Variants in GALM observed in about 807,000 individuals in gnomAD.
GALM encodes the protein aldose 1-epimerase.
In GALM, 43 loss-of-function variants were observed where a neutral mutation model predicts 37.4. The ratio of observed to expected loss-of-function variants is 1.15; its 90% CI spans 0.90 to 1.48. GALM has a LOEUF of 1.48. GALM is among the 40% of genes most tolerant of loss of function. The pLI, the probability that GALM is intolerant of heterozygous loss-of-function variation, is 0.00. For synonymous variants in GALM, 199 were observed against 170.6 expected (o/e 1.17, Z -1.30); for missense variants, 456 against 419.1 (o/e 1.09, Z -0.77).
intron 1 of GALM, chr2:38,671,485 G>A (rs922678702): frequency 2.6e-5 from 4 of 152,318 alleles, no homozygotes; most frequent in African/African-American, 9.6e-5. Flanking sequence ...TAAATCATCA[G>A]CTCTCGTGAG....
At chr2:38,669,453 GTGAGCTCGGCTTT>G (rs1437986942) in intron 1 of GALM, 2 of 152,248 alleles carry the variant, frequency 1.3e-5, no homozygotes, top group Non-Finnish European at 2.9e-5. Flanking sequence ...TGCTCACGCG[GTGAGCTCGGCTTT>G]TGAGACGCAA....
intron 4 of GALM, among the ~76,000 whole-genome samples, chr2:38,693,609 C>CTGAT (rs1298567421): frequency 6.6e-6 from 1 of 151,982 alleles, no homozygotes; most frequent in African/African-American, 2.4e-5. Flanking sequence ...AAAGAAGATA[C>CTGAT]TGATTATCTG....
rs1237091687 is a variant in GALM, at chr2:38,675,961, C to T, written c.240C>T (p.Ala80=). 2 of 1,613,978 alleles carry T rather than the reference C, an allele frequency of 1.2e-6. No homozygotes were observed. The highest frequency in any genetic ancestry group is 1.7e-5 in the Admixed American group (1 of 59,980). Residue 80 remains alanine (A), a synonymous_variant, in exon 2 of 7, where the codon GCC becomes GCT. Coordinates refer to ENST00000272252, the MANE Select transcript of GALM (RefSeq NM_138801.3). ...TTGGAGCAGTTATTGGGAGGGTGGCCAACCGAATCGCCAAAGGAACCTTCA... is the reference window on the plus strand; with the variant it reads ...TTGGAGCAGTTATTGGGAGGGTGGCTAACCGAATCGCCAAAGGAACCTTCA... ...PYFGAVIGRV[A]NRIAKGTFKV... is the part of the protein sequence containing the mutation.
At chr2:38,713,787 C>G (rs542892648) in intron 4 of GALM, among the ~76,000 whole-genome samples, 1 of 152,172 alleles carries the variant, frequency 6.6e-6, no homozygotes, top group South Asian at 2.1e-4. Context: ...CACCTGTAGT[C>G]CCAGCTACTG....
intron 4 of GALM, among the ~76,000 whole-genome samples, chr2:38,698,056 G>T (rs980059532): frequency 6.6e-6 from 1 of 151,746 alleles, no homozygotes; most frequent in African/African-American, 2.4e-5. Context: ...TGATCCTCTT[G>T]CTTCAGCCTC....
intron 5 of GALM, among the ~76,000 whole-genome samples, chr2:38,730,825 G>A (rs1440590145): frequency 1.3e-5 from 2 of 151,856 alleles, no homozygotes; most frequent in African/African-American, 4.8e-5. Context: ...GGAGGCTGAG[G>A]CAGGAGAATC....
intron 4 of GALM, among the ~76,000 whole-genome samples, chr2:38,691,341 G>A (rs1181230714): frequency 6.6e-6 from 1 of 152,156 alleles, no homozygotes; most frequent in African/African-American, 2.4e-5. Flanking sequence ...AAATCATTGT[G>A]GCAAAGCACA....
At chr2:38,727,189 T>C (rs1166423377) in intron 4 of GALM, among the ~76,000 whole-genome samples, 4 of 148,988 alleles carry the variant, frequency 2.7e-5, no homozygotes, top group African/African-American at 7.5e-5. Context: ...GCACTCCAGC[T>C]TGGGCGACAG....
chr2:38,682,283 A>G (rs1281036812), intron 3 of GALM: 1 of 454,380 alleles, frequency 2.2e-6, no homozygotes, highest in Non-Finnish European at 4.4e-6. Flanking sequence ...ATCAGACAGA[A>G]TAAAAAGCTT....
intron 6 of GALM, among the ~76,000 whole-genome samples, chr2:38,732,205 T>G (rs1264778798): frequency 6.6e-6 from 1 of 152,120 alleles, no homozygotes; most frequent in African/African-American, 2.4e-5. Context: ...TACAGGCGCC[T>G]ACCACCATGC....
At chr2:38,683,173 T>C (rs1665440069) in intron 3 of GALM, among the ~76,000 whole-genome samples, 1 of 152,148 alleles carries the variant, frequency 6.6e-6, no homozygotes, top group African/African-American at 2.4e-5. Context: ...CATCTGCCAG[T>C]GTGTTCCAAT....
At chr2:38,666,969 A>G (rs1664955550) in intron 1 of GALM, among the ~76,000 whole-genome samples, 1 of 152,182 alleles carries the variant, frequency 6.6e-6, no homozygotes, top group African/African-American at 2.4e-5. Flanking sequence ...TCCATGGGCA[A>G]TTAGGATCAG....
At chr2:38,693,870 A>T (rs1005230947) in intron 4 of GALM, among the ~76,000 whole-genome samples, 5 of 152,198 alleles carry the variant, frequency 3.3e-5, no homozygotes, top group African/African-American at 1.2e-4. Context: ...CACTCTACAG[A>T]TCTTACAATG....
intron 1 of GALM, among the ~76,000 whole-genome samples, chr2:38,670,234 AT>A (rs1413953963): frequency 2.0e-5 from 3 of 152,134 alleles, no homozygotes; most frequent in Non-Finnish European, 2.9e-5. Context: ...TGCTGAAAAT[AT>A]TTGCTTATAA....
intron 4 of GALM, among the ~76,000 whole-genome samples, chr2:38,716,126 A>T (rs1051637843): frequency 6.6e-6 from 1 of 152,248 alleles, no homozygotes; most frequent in African/African-American, 2.4e-5. Flanking sequence ...AGGGATATGC[A>T]GTTTGCCTAA....
chr2:38,715,381 A>G (rs1258805284), intron 4 of GALM, among the ~76,000 whole-genome samples: 2 of 152,226 alleles, frequency 1.3e-5, no homozygotes, highest in African/African-American at 4.8e-5. Flanking sequence ...TAACCTGCAC[A>G]AAGTTAAACT....
intron 4 of GALM, among the ~76,000 whole-genome samples, chr2:38,729,004 A>G (rs1666542585): frequency 6.6e-6 from 1 of 152,192 alleles, no homozygotes; most frequent in African/African-American, 2.4e-5. Flanking sequence ...CTATATATTT[A>G]TGAGTATATA....
chr2:38,725,669 G>GAA (rs142522432), intron 4 of GALM, among the ~76,000 whole-genome samples: 152 of 152,198 alleles, frequency 1.0e-3, no homozygotes, highest in African/African-American at 3.6e-3. Context: ...AAAAGAAAAA[G>GAA]AAGAATTATT....
At chr2:38,725,426 C>T (rs1406187444) in intron 4 of GALM, among the ~76,000 whole-genome samples, 2 of 152,110 alleles carry the variant, frequency 1.3e-5, no homozygotes, top group African/African-American at 4.8e-5. Flanking sequence ...GTCCCAGCTA[C>T]TCAGGAAGCT....
Sources: allele counts gnomAD v4.1 joint callset (sites outside exome capture counted in the v4.1 genomes callset), GRCh38; gene constraint gnomAD v4.1.1; transcripts MANE v1.5; gene names NCBI Gene and HGNC (gene_info 2026-07-23, HGNC 2026-07-21).